KIRREL1: variants seen among roughly 807,000 people sequenced by gnomAD.
KIRREL1 encodes kirre like nephrin family adhesion molecule 1, also known as kin of IRRE-like protein 1.
A neutral mutation model predicts 83.3 loss-of-function variants in KIRREL1; 25 were observed. The observed-to-expected ratio is 0.30, with a 90% CI of 0.22 to 0.42. KIRREL1 has a LOEUF of 0.42. KIRREL1 is among the 10% of genes least tolerant of loss of function. The probability of loss-of-function intolerance (pLI) is 1.00; values close to 1 mark genes in which losing one functional copy is unlikely to be tolerated. For synonymous variants in KIRREL1, 388 were observed against 410.4 expected (o/e 0.95, Z 0.66); for missense variants, 812 against 1,032.3 (o/e 0.79, Z 2.92).
At chr1:158,023,642 C>T (rs1287065923) in intron 1 of KIRREL1, among the ~76,000 whole-genome samples, 3 of 152,152 alleles carry the variant, frequency 2.0e-5, no homozygotes, top group Non-Finnish European at 4.4e-5. Flanking sequence ...TGTCTTCTAC[C>T]AGCCTTGCCA....
At chr1:158,039,582 C>T (rs1354483315) in intron 1 of KIRREL1, among the ~76,000 whole-genome samples, 2 of 152,188 alleles carry the variant, frequency 1.3e-5, no homozygotes, top group African/African-American at 4.8e-5. Context: ...GAACCTCCCA[C>T]CCCACACTTA....
chr1:158,063,375 T>A (rs540688751), intron 1 of KIRREL1, among the ~76,000 whole-genome samples: 11 of 103,768 alleles, frequency 1.1e-4, no homozygotes, highest in Non-Finnish European at 2.4e-4. Context: ...AGCTCCTGAG[T>A]GGAATAAGAC....
At chr1:158,086,101 T>A (rs1451957555) in intron 4 of KIRREL1, among the ~76,000 whole-genome samples, 1 of 152,108 alleles carries the variant, frequency 6.6e-6, no homozygotes, top group Non-Finnish European at 1.5e-5. Context: ...AATATATTAG[T>A]TTCGGTCCAT....
In KIRREL1 at chr1:158,078,050, A is replaced by G. The variant is rs1661736033; in HGVS notation, c.262A>G (p.Thr88Ala). 3.7e-6 allele frequency: 6 copies of G among 1,614,058 alleles called. 1 individual carries two copies. The highest frequency in any genetic ancestry group is 3.3e-5 in the Admixed American group (2 of 60,022). ...CGCTGGGCAGTACAACCTGGAGATC[A>G]CAGATGCTGAGCTCTCTGACGACGC... Reference protein sequence around the residue: ...ADAGQYNLEITDAELSDDASY... With the variant: ...ADAGQYNLEIADAELSDDASY... Residue 88 changes from threonine to alanine, a missense_variant, in exon 3 of 15, where the codon ACA becomes GCA. Physicochemically the swap from Thr to Ala is moderately conservative, Grantham distance 58. This residue lies in a region of KIRREL1 where 472 missense variants were observed against 626.8 expected (regional missense o/e 0.75). Transcript: ENST00000359209.
chr1:158,044,495 T>A (rs73022637), intron 1 of KIRREL1, among the ~76,000 whole-genome samples: 2 of 152,122 alleles, frequency 1.3e-5, no homozygotes, highest in Admixed American at 1.3e-4. Flanking sequence ...TTTTTGTTTG[T>A]TTGCTTGTTT....
intron 1 of KIRREL1, among the ~76,000 whole-genome samples, chr1:158,017,231 G>GC (rs1659853573): frequency 6.6e-6 from 1 of 152,092 alleles, no homozygotes; most frequent in African/African-American, 2.4e-5. Flanking sequence ...GCTTCCTCCT[G>GC]CGTTTCTCAA....
intron 1 of KIRREL1, among the ~76,000 whole-genome samples, chr1:158,002,515 G>T (rs959035020): frequency 6.6e-6 from 1 of 152,224 alleles, no homozygotes; most frequent in Non-Finnish European, 1.5e-5. Context: ...ACCAGGGGGG[G>T]TGAGAGCATG....
At chr1:158,037,158 A>G (rs1177196392) in intron 1 of KIRREL1, among the ~76,000 whole-genome samples, 1 of 152,184 alleles carries the variant, frequency 6.6e-6, no homozygotes, top group Non-Finnish European at 1.5e-5. Context: ...CACGACTAGC[A>G]CTGGACCTTG....
intron 1 of KIRREL1, among the ~76,000 whole-genome samples, chr1:158,033,977 GAAA>G (rs543534535): frequency 6.9e-6 from 1 of 144,208 alleles, no homozygotes; most frequent in Non-Finnish European, 1.5e-5. Flanking sequence ...AACTCCATCG[GAAA>G]AAAAAAAAGA....
chr1:158,081,995 G>A lies in KIRREL1; in HGVS notation c.353-2427G>A, dbSNP rs181399985. Among the ~76,000 whole-genome samples, 447 of 152,288 alleles carry A rather than the reference G, an allele frequency of 2.9e-3. 1 individual carries two copies. Among genetic ancestry groups the A allele is most frequent in the Non-Finnish European group, 3.6e-3 (247 of 68,020 alleles). ...AACATGTGACTTTAGAGGGGCCTGA[G>A]CAGACCAGGAGGCCCTGAGCAGCAG... On this transcript the variant is annotated intron_variant, in intron 3 of 14. Transcript: ENST00000359209.
chr1:158,088,222 G>A (rs1253453769), intron 7 of KIRREL1, 68 bp downstream of exon 7: 30 of 1,609,690 alleles, frequency 1.9e-5, no homozygotes, highest in South Asian at 8.8e-5. Context: ...GGACAGAGTC[G>A]GGGACTGCTC....
Position 158,095,084 on chromosome 1 carries a change from C to A in KIRREL1, c.2238C>A (p.Gly746=). 6.2e-7 allele frequency: 1 copy of A among 1,608,086 alleles called. No homozygotes were observed. The highest frequency in any genetic ancestry group is 8.5e-7 in the Non-Finnish European group (1 of 1,175,860). Reference sequence around the variant, plus strand: ...ACACCTCCCAGCACTCGGACTACGGCCAGCGATTCCAGCAGCGCATGCAGA... The same window carrying A: ...ACACCTCCCAGCACTCGGACTACGGACAGCGATTCCAGCAGCGCATGCAGA... The part of the protein sequence containing the change: ...FSYTSQHSDY[G]QRFQQRMQTH... Residue 746 remains glycine (G), a synonymous_variant, in exon 15 of 15, where the codon GGC becomes GGA. Coordinates refer to ENST00000359209, the MANE Select transcript of KIRREL1 (RefSeq NM_018240.7).
At chr1:158,043,732 T>C (rs943479560) in intron 1 of KIRREL1, among the ~76,000 whole-genome samples, 1 of 151,904 alleles carries the variant, frequency 6.6e-6, no homozygotes, top group East Asian at 1.9e-4. Flanking sequence ...CAGAAGAAAA[T>C]GTGCCTTCCT....
intron 1 of KIRREL1, among the ~76,000 whole-genome samples, chr1:158,057,641 G>T (rs530939390): frequency 6.6e-6 from 1 of 152,004 alleles, no homozygotes; most frequent in Non-Finnish European, 1.5e-5. Context: ...TTTTGGGGTC[G>T]CCCCAGGTTT....
At chr1:158,025,343 C>T (rs1479079127) in intron 1 of KIRREL1, among the ~76,000 whole-genome samples, 4 of 151,730 alleles carry the variant, frequency 2.6e-5, no homozygotes, top group East Asian at 3.9e-4. Flanking sequence ...CTCGGGGAAA[C>T]GACAGAGAAA....
chr1:158,055,056 A>C (rs1661015399), intron 1 of KIRREL1, among the ~76,000 whole-genome samples: 1 of 151,996 alleles, frequency 6.6e-6, no homozygotes, highest in Non-Finnish European at 1.5e-5. Context: ...TTTACCATGG[A>C]TGAAACTGGG....
At chr1:158,069,608 G>A (rs1266215794) in intron 1 of KIRREL1, among the ~76,000 whole-genome samples, 1 of 152,022 alleles carries the variant, frequency 6.6e-6, no homozygotes, top group African/African-American at 2.4e-5. Context: ...AAGGGGAGGT[G>A]GAGAAACCCC....
At position 158,086,609 on chromosome 1, in the gene KIRREL1, A is replaced by G. The variant is rs1662022502; in HGVS notation, c.524A>G (p.Asp175Gly). Residue 175 changes from aspartate (D) to glycine (G), a missense_variant, in exon 5 of 15, where the codon GAT (aspartate) becomes GGT (glycine). Asp to Gly is a moderately conservative substitution (Grantham distance 94, BLOSUM62 -1). Around this residue, in one of 3 missense-constraint regions of KIRREL1, gnomAD observed 472 missense variants for 626.8 expected, o/e 0.75. Transcript: ENST00000359209. ...GAVASTELLK[D>G]GKRETTVSQL... Reference sequence around the variant, plus strand: ...GTCATGTTCCAGGAATTGCTGAAGGATGGGAAGAGGGAGACCACCGTGAGC... The same window carrying G: ...GTCATGTTCCAGGAATTGCTGAAGGGTGGGAAGAGGGAGACCACCGTGAGC... 1 of 1,551,470 alleles carries G rather than the reference A, an allele frequency of 6.4e-7. No homozygotes were observed. The highest frequency in any genetic ancestry group is 8.7e-7 in the Non-Finnish European group (1 of 1,146,948).
At chr1:158,027,295 G>A (rs767581887) in intron 1 of KIRREL1, among the ~76,000 whole-genome samples, 43 of 152,226 alleles carry the variant, frequency 2.8e-4, no homozygotes, top group Non-Finnish European at 5.6e-4. Context: ...GGGAAGGAAT[G>A]TGGAGCTTCC....
Sources: allele counts gnomAD v4.1 joint callset (sites outside exome capture counted in the v4.1 genomes callset), GRCh38; gene constraint gnomAD v4.1.1; regional missense constraint gnomAD v4.1.1; transcripts MANE v1.5; gene names NCBI Gene and HGNC (gene_info 2026-07-23, HGNC 2026-07-21).